Variants in PREP observed in about 807,000 individuals in gnomAD.
PREP encodes prolyl endopeptidase.
PREP carries 29 observed loss-of-function variants against 87.6 expected under a neutral mutation model. The observed-to-expected ratio is 0.33, with a 90% CI of 0.25 to 0.45. The LOEUF (loss-of-function observed/expected upper bound fraction) is 0.45. Among genes scored for constraint, PREP ranks in the 20% least tolerant of loss-of-function variants. The pLI is 1.00. For synonymous variants in PREP, 337 were observed against 328.6 expected (o/e 1.03, Z -0.28); for missense variants, 695 against 886.5 (o/e 0.78, Z 2.74).
chr6:105,342,670 G>A (rs965431635), intron 7 of PREP, among the ~76,000 whole-genome samples: 1 of 152,190 alleles, frequency 6.6e-6, no homozygotes, highest in Non-Finnish European at 1.5e-5. Context: ...AAGCTGATAA[G>A]CAACTTCAGC....
chr6:105,393,314 T>C (rs1357195757), intron 2 of PREP, among the ~76,000 whole-genome samples: 3 of 152,274 alleles, frequency 2.0e-5, no homozygotes, highest in African/African-American at 7.2e-5. Context: ...ATTCTGACAG[T>C]GCCTGGCGTT....
chr6:105,295,680 C>T (rs1253135169), intron 10 of PREP, among the ~76,000 whole-genome samples: 4 of 152,116 alleles, frequency 2.6e-5, no homozygotes, highest in South Asian at 2.1e-4. Flanking sequence ...CATAGAGACA[C>T]GCCTATTTAT....
chr6:105,338,965 T>C (rs142633277), intron 7 of PREP, among the ~76,000 whole-genome samples: 23 of 152,332 alleles, frequency 1.5e-4, no homozygotes, highest in Admixed American at 6.5e-4. Context: ...GGGCAGGGCA[T>C]AGCCGAACAG....
chr6:105,288,710 A>G (rs772335477), intron 11 of PREP, 48 bp downstream of exon 11: 2 of 1,604,292 alleles, frequency 1.2e-6, no homozygotes, highest in South Asian at 1.1e-5. Context: ...TGTTTCCACT[A>G]TATGGAAAAG....
At chr6:105,337,993 A>G (rs965384659) in intron 7 of PREP, among the ~76,000 whole-genome samples, 1 of 149,010 alleles carries the variant, frequency 6.7e-6, no homozygotes, top group Non-Finnish European at 1.5e-5. Context: ...ACATAAAACA[A>G]TGCTTTAAAA....
intron 10 of PREP, among the ~76,000 whole-genome samples, chr6:105,314,869 T>A (rs1770829010): frequency 6.6e-6 from 1 of 152,178 alleles, no homozygotes; most frequent in African/African-American, 2.4e-5. Context: ...GTAAGGCAAC[T>A]ACAGCCTTAC....
intron 1 of PREP, among the ~76,000 whole-genome samples, chr6:105,400,001 C>T (rs1773383160): frequency 1.3e-5 from 2 of 152,184 alleles, no homozygotes; most frequent in African/African-American, 2.4e-5. Context: ...AGACCGGGCA[C>T]CATCATCTAC....
At chr6:105,302,030 G>T (rs1214050117) in intron 10 of PREP, among the ~76,000 whole-genome samples, 1 of 152,220 alleles carries the variant, frequency 6.6e-6, no homozygotes, top group Non-Finnish European at 1.5e-5. Context: ...TTTTGAGGTA[G>T]AAAGACACAC....
chr6:105,337,193 T>A (rs1330599215), intron 7 of PREP, among the ~76,000 whole-genome samples: 5 of 152,234 alleles, frequency 3.3e-5, no homozygotes, highest in African/African-American at 1.2e-4. Context: ...CTCATGCTGG[T>A]GAATTTCTTC....
chr6:105,396,271 A>T (rs1044052131), intron 2 of PREP, among the ~76,000 whole-genome samples: 1 of 152,262 alleles, frequency 6.6e-6, no homozygotes, highest in African/African-American at 2.4e-5. Context: ...ATCTCAAAAT[A>T]GCAGTGTGCT....
intron 6 of PREP, among the ~76,000 whole-genome samples, chr6:105,363,016 G>A (rs983053367): frequency 6.6e-6 from 1 of 152,118 alleles, no homozygotes; most frequent in Admixed American, 6.6e-5. Flanking sequence ...CCTACTATAA[G>A]TCAAGCATCA....
At chr6:105,360,055 C>T (rs149637744) in intron 6 of PREP, among the ~76,000 whole-genome samples, 9 of 152,334 alleles carry the variant, frequency 5.9e-5, no homozygotes, top group Admixed American at 5.2e-4. Flanking sequence ...ACACAGCCCA[C>T]GGCCACTGTT....
chr6:105,373,290 G>A (rs1583091840), intron 5 of PREP, 79 bp downstream of exon 5: 4 of 1,441,810 alleles, frequency 2.8e-6, no homozygotes, highest in Non-Finnish European at 3.9e-6. Context: ...CTCTATGTAG[G>A]GTTCAGCATC....
chr6:105,279,040 G>T lies in PREP; in HGVS notation c.1839-602C>A, dbSNP rs890346559. On this transcript the variant is annotated intron_variant, in intron 14 of 14. Coordinates refer to ENST00000652536, the MANE Select transcript of PREP (RefSeq NM_002726.5). The stretch of plus-strand genomic sequence containing the variant: ...CAGAAAGCAACAGACTTTGCCAGAG[G>T]AGGAGGGCACCTTCCGAAGTACCAG... The T allele has an allele frequency of 3.3e-5, 5 of 152,194 alleles. No individual in the cohort carries two copies. The South Asian group carries it at 8.3e-4, about 25-fold the overall frequency. 9.4% of individuals were successfully genotyped at this position (152,194 alleles called of 1,614,324 possible). A position where few individuals can be genotyped will look rare whatever the true frequency, so the allele number is the denominator to read the frequency against.
chr6:105,374,627 A>G (rs1772638407), intron 4 of PREP, among the ~76,000 whole-genome samples: 1 of 111,162 alleles, frequency 9.0e-6, no homozygotes, highest in African/African-American at 3.5e-5. Flanking sequence ...GAGTGTTTGA[A>G]TTGTTTATAT....
Position 105,277,727 on chromosome 6 carries a change from A to AAAT in PREP, c.*414_*416dup, listed in dbSNP as rs1339302379. The AAAT allele has an allele frequency of 6.2e-6, 1 of 161,988 alleles. No individual in the cohort carries two copies. The highest frequency in any genetic ancestry group is 2.4e-5 in the African/African-American group (1 of 41,656). 10.0% of individuals were successfully genotyped at this position (161,988 alleles called of 1,614,324 possible). ...CCGGAAGTAAAAGCCTGTCATTCTT[A>AAAT]AATAACATTTATTATTGTTGCAAAG... is the stretch of plus-strand genomic sequence containing the variant. On this transcript the variant is annotated 3_prime_UTR_variant, in exon 15 of 15. Transcript: ENST00000652536.
chr6:105,344,670 G>C (rs1312874540), intron 7 of PREP, among the ~76,000 whole-genome samples: 2 of 152,006 alleles, frequency 1.3e-5, no homozygotes, highest in Non-Finnish European at 2.9e-5. Context: ...TCACACACCA[G>C]GGCCTGTCGT....
chr6:105,373,504 T>C lies in PREP; in HGVS notation c.460A>G (p.Lys154Glu). ...TTGGCACCATCAACTTTCATGAACTTGATTGTCACCCAGTCTGAGCCACTG... is the reference window on the plus strand; with the variant it reads ...TTGGCACCATCAACTTTCATGAACTCGATTGTCACCCAGTCTGAGCCACTG... Reference protein sequence around the residue: ...SASGSDWVTIKFMKVDGAKEL... With the variant: ...SASGSDWVTIEFMKVDGAKEL... The change falls in exon 5 of 15, where the codon AAG (lysine) becomes GAG (glutamate). Residue 154 changes from lysine to glutamate, a missense_variant. Around this residue, in one of 5 missense-constraint regions of PREP, gnomAD observed 517 missense variants for 620.3 expected, o/e 0.83. Transcript: ENST00000652536. 6.2e-7 allele frequency: 1 copy of C among 1,614,214 alleles called. No individual in the cohort carries two copies. The highest frequency in any genetic ancestry group is 1.1e-5 in the South Asian group (1 of 91,090).
At position 105,276,570 on chromosome 6, in the gene PREP, G is replaced by GTATC. The variant is rs1315542342; in HGVS notation, c.*1570_*1573dup. Among the ~76,000 whole-genome samples, 2 of 152,196 alleles carry GTATC rather than the reference G, an allele frequency of 1.3e-5. No individual in the cohort carries two copies. The highest frequency in any genetic ancestry group is 2.9e-5 in the Non-Finnish European group (2 of 68,030). On this transcript the variant is annotated 3_prime_UTR_variant, in exon 15 of 15. Coordinates refer to ENST00000652536, the MANE Select transcript of PREP (RefSeq NM_002726.5). ...GTTACACCAAAGCTAGCTAGTATCA[G>GTATC]TATCTGAGTAGATGGTGATGACGAC...
Sources: allele counts gnomAD v4.1 joint callset (sites outside exome capture counted in the v4.1 genomes callset), GRCh38; gene constraint gnomAD v4.1.1; regional missense constraint gnomAD v4.1.1; transcripts MANE v1.5; gene names NCBI Gene and HGNC (gene_info 2026-07-23, HGNC 2026-07-21).